LYG1: variants seen among roughly 807,000 people sequenced by gnomAD.
LYG1 encodes the protein lysozyme g1.
LYG1 carries 17 observed loss-of-function variants against 21.7 expected under a neutral mutation model. The observed-to-expected ratio is 0.78, with a 90% CI of 0.54 to 1.18. The LOEUF is 1.18. Ranked by LOEUF, LYG1 falls within the 50% of genes most tolerant of loss-of-function variation. The probability of loss-of-function intolerance (pLI) is 0.00; values close to 1 mark genes in which losing one functional copy is unlikely to be tolerated. For synonymous variants in LYG1, 81 were observed against 87.4 expected (o/e 0.93, Z 0.41); for missense variants, 211 against 238.1 (o/e 0.89, Z 0.75).
At chr2:99,296,277 C>T (rs2094136174) in intron 2 of LYG1, among the ~76,000 whole-genome samples, 1 of 152,098 alleles carries the variant, frequency 6.6e-6, no homozygotes, top group Non-Finnish European at 1.5e-5. Context: ...TCCCCATTCC[C>T]CCTCTGTAAA....
At chr2:99,304,733 A>G (rs1156738760), upstream of LYG1, 2 of 152,244 alleles carry the variant, frequency 1.3e-5, no homozygotes, top group African/African-American at 4.8e-5. Flanking sequence ...AGCCTGGGCA[A>G]CATAGCAACA....
At chr2:99,299,614 G>A (rs1460415802) in intron 1 of LYG1, among the ~76,000 whole-genome samples, 1 of 151,558 alleles carries the variant, frequency 6.6e-6, no homozygotes, top group Non-Finnish European at 1.5e-5. Context: ...TAGTAAAGAC[G>A]GGGTTTCGCC....
At chr2:99,302,201 C>T (rs1372255866), upstream of LYG1, among the ~76,000 whole-genome samples, 2 of 152,230 alleles carry the variant, frequency 1.3e-5, no homozygotes, top group Non-Finnish European at 2.9e-5. Flanking sequence ...CAGTAAAACA[C>T]GTGGAATCAA....
chr2:99,304,367 C>T (rs183974673), upstream of LYG1, among the ~76,000 whole-genome samples: 1 of 152,336 alleles, frequency 6.6e-6, no homozygotes, highest in Admixed American at 6.5e-5. Context: ...TGCCTTTCAC[C>T]TTCCGCCATG....
chr2:99,293,950 G>T (rs2094128716), intron 3 of LYG1, among the ~76,000 whole-genome samples: 1 of 151,852 alleles, frequency 6.6e-6, no homozygotes, highest in Non-Finnish European at 1.5e-5. Context: ...TATAGACAGG[G>T]TCTCACTGTC....
intron 1 of LYG1, among the ~76,000 whole-genome samples, chr2:99,299,437 T>G (rs919805649): frequency 1.1e-4 from 16 of 151,736 alleles, no homozygotes; most frequent in African/African-American, 3.9e-4. Flanking sequence ...TTAATTTTTT[T>G]TTTTTCAAAA....
At chr2:99,290,376 T>C (rs1038399670) in intron 5 of LYG1, among the ~76,000 whole-genome samples, 2 of 152,160 alleles carry the variant, frequency 1.3e-5, no homozygotes, top group African/African-American at 4.8e-5. Flanking sequence ...CAAGGATGGA[T>C]TACGTGTCCC....
intron 3 of LYG1, among the ~76,000 whole-genome samples, chr2:99,293,845 A>G (rs1218633892): frequency 1.3e-5 from 2 of 152,150 alleles, no homozygotes; most frequent in African/African-American, 4.8e-5. Flanking sequence ...GTAGGCAGGA[A>G]ATTGCTCCTT....
At chr2:99,303,998 C>T (rs982533980), upstream of LYG1, among the ~76,000 whole-genome samples, 14 of 152,262 alleles carry the variant, frequency 9.2e-5, no homozygotes, top group African/African-American at 3.1e-4. Flanking sequence ...AGTGAAACCC[C>T]GTCTCCACTA....
chr2:99,298,224 C>A (rs2094142652), intron 2 of LYG1, among the ~76,000 whole-genome samples: 1 of 152,152 alleles, frequency 6.6e-6, no homozygotes, highest in Admixed American at 6.5e-5. Context: ...TGCTTAAAAC[C>A]ATTATGAAGA....
At chr2:99,292,483 G>T in intron 4 of LYG1, 53 bp downstream of exon 4, 2 of 1,342,792 alleles carry the variant, frequency 1.5e-6, no homozygotes, top group Non-Finnish European at 2.1e-6. Context: ...CGTGAGGCAT[G>T]GGAAACAGTG....
At chr2:99,290,935 A>C (rs893185192) in intron 5 of LYG1, among the ~76,000 whole-genome samples, 1 of 152,242 alleles carries the variant, frequency 6.6e-6, no homozygotes, top group Admixed American at 6.5e-5. Context: ...ATGTGGCTAC[A>C]AAGTAACTGA....
intron 4 of LYG1, 100 bp from the exon 5 acceptor site, chr2:99,291,521 G>C: frequency 7.7e-7 from 1 of 1,306,142 alleles, no homozygotes; most frequent in Non-Finnish European, 1.1e-6. Context: ...TCTGAGTAAT[G>C]GTCGAGGACT....
rs754478037 is a variant in LYG1, at chr2:99,284,715, T to C, written c.439A>G (p.Thr147Ala). 8.7e-6 allele frequency: 14 copies of C among 1,614,026 alleles called. No homozygotes were observed. The highest frequency in any genetic ancestry group is 6.6e-5 in the South Asian group (6 of 91,086). ...RIKEIQRRFPTWTPDQYLRGG... is the reference protein window; with the variant it reads ...RIKEIQRRFPAWTPDQYLRGG... ...CTCAGGTACTGGTCAGGGGTCCAGG[T>C]TGGAAACCTCCTCTGGATTTCTTTG... The change falls in exon 6 of 7, where the codon ACC becomes GCC. Residue 147 changes from threonine to alanine, a missense_variant. Transcript: ENST00000308528.
At chr2:99,297,790 C>T (rs2094141283) in intron 2 of LYG1, among the ~76,000 whole-genome samples, 1 of 152,216 alleles carries the variant, frequency 6.6e-6, no homozygotes, top group African/African-American at 2.4e-5. Flanking sequence ...TCACGGCTCA[C>T]TGCAGCCTTG....
Position 99,291,435 on chromosome 2 carries a change from A to G in LYG1, c.149-14T>C. On this transcript the variant is annotated splice_polypyrimidine_tract_variant and intron_variant, in intron 4 of 6. Coordinates refer to ENST00000308528, the MANE Select transcript of LYG1 (RefSeq NM_174898.3). ...AAGCACGAACTCCTAAACCAAACGC[A>G]AAAGGAATGATGCAGCTTGTTGTGA... 6.2e-7 allele frequency: 1 copy of G among 1,613,350 alleles called. No homozygotes were observed. Among genetic ancestry groups the G allele is most frequent in the South Asian group, 1.1e-5 (1 of 90,898 alleles).
chr2:99,293,396 C>T (rs978641824), intron 3 of LYG1, among the ~76,000 whole-genome samples: 1 of 152,204 alleles, frequency 6.6e-6, no homozygotes, highest in Non-Finnish European at 1.5e-5. Context: ...AAGTATAAAA[C>T]CTGGATCTCT....
intron 2 of LYG1, among the ~76,000 whole-genome samples, chr2:99,298,039 T>C (rs955386908): frequency 3.3e-5 from 5 of 152,162 alleles, no homozygotes; most frequent in Non-Finnish European, 7.3e-5. Context: ...GGATGAACAA[T>C]GTCATTTTGT....
At chr2:99,295,730 T>A in intron 2 of LYG1, 28 bp from the exon 3 acceptor site, 1 of 1,598,256 alleles carries the variant, frequency 6.3e-7, no homozygotes, top group Non-Finnish European at 8.6e-7. Flanking sequence ...AGCTTGAGAA[T>A]ACAAAAATAT....
Sources: allele counts gnomAD v4.1 joint callset (sites outside exome capture counted in the v4.1 genomes callset), GRCh38; gene constraint gnomAD v4.1.1; transcripts MANE v1.5; gene names NCBI Gene and HGNC (gene_info 2026-07-23, HGNC 2026-07-21).